IL17C: variants seen among roughly 807,000 people sequenced by gnomAD.
IL17C encodes the protein interleukin-17C.
A neutral mutation model predicts 11.0 loss-of-function variants in IL17C; 13 were observed. The ratio of observed to expected loss-of-function variants is 1.18; its 90% CI spans 0.77 to 1.88. The LOEUF (loss-of-function observed/expected upper bound fraction) is 1.88. Ranked by LOEUF, IL17C falls within the 40% of genes most tolerant of loss-of-function variation. The pLI, the probability that IL17C is intolerant of heterozygous loss-of-function variation, is 0.00. For synonymous variants in IL17C, 150 were observed against 125.8 expected, an observed-to-expected ratio of 1.19 and a Z score of -1.29; for missense variants, 357 against 278.2, an observed-to-expected ratio of 1.28 and a Z score of -2.01.
chr16:88,638,849 G>C lies in IL17C; in HGVS notation c.7-132G>C, dbSNP rs1792668573. 1.6e-5 allele frequency: 18 copies of C among 1,159,582 alleles called. No homozygotes were observed. In the South Asian group the frequency reaches 2.2e-4, roughly 14 times the overall value. The allele number at this position is 1,159,582 out of a possible 1,614,324, so 71.8% of individuals were successfully genotyped here. A position where few individuals can be genotyped will look rare whatever the true frequency, so the allele number is the denominator to read the frequency against. Reference sequence around the variant, plus strand: ...TTGGGCTGAAGGGCTAGCCTCTCTGGGCTTCAGTTTCCCCATCTATAGAGG... The same window carrying C: ...TTGGGCTGAAGGGCTAGCCTCTCTGCGCTTCAGTTTCCCCATCTATAGAGG... On this transcript the variant is annotated intron_variant, in intron 1 of 2. Coordinates refer to ENST00000244241, the MANE Select transcript of IL17C (RefSeq NM_013278.4).
At position 88,639,437 on chromosome 16, in the gene IL17C, T is replaced by A; in HGVS notation, c.335+128T>A. On this transcript the variant is annotated intron_variant, in intron 2 of 2. Transcript: ENST00000244241. The surrounding 1 kb of genome is among the most constrained non-coding windows in gnomAD (Gnocchi z 5.1). ...AGTGGGCGTGGCCACCTGAGCTCCC[T>A]CCCTCCGGCCCTCCTGACCTGGACG... The A allele has an allele frequency of 1.1e-6, 1 of 925,302 alleles. No individual in the cohort carries two copies. The allele number at this position is 925,302 out of a possible 1,614,324, so 57.3% of individuals were successfully genotyped here.
chr16:88,639,047 A>AG lies in IL17C; in HGVS notation c.78dup (p.His27AlafsTer14). 1 of 1,609,844 alleles carries AG rather than the reference A, an allele frequency of 6.2e-7. No homozygotes were observed. The highest frequency in any genetic ancestry group is 8.5e-7 in the Non-Finnish European group (1 of 1,177,756). ...CCTGGCCCACCATGACCCCTCCCTC[A>AG]GGGGGCACCCCCACAGTCACGGTAC... On this transcript the variant is annotated frameshift_variant, in exon 2 of 3. Transcript: ENST00000244241. The surrounding 1 kb of genome is among the most constrained non-coding windows in gnomAD (Gnocchi z 5.1).
Position 88,639,323 on chromosome 16 carries a change from G to T in IL17C, c.335+14G>T, listed in dbSNP as rs776990144. Reference sequence around the variant, plus strand: ...CTGGAGATACCGGTGAGGACCTGGGGATTCCGCTGTGGCGTGGGGCTGCCC... The same window carrying T: ...CTGGAGATACCGGTGAGGACCTGGGTATTCCGCTGTGGCGTGGGGCTGCCC... On this transcript the variant is annotated intron_variant, in intron 2 of 2. Transcript: ENST00000244241. This position sits in a 1 kb window ranked among gnomAD's most constrained non-coding sequence, Gnocchi z 5.1. 5.1e-6 allele frequency: 8 copies of T among 1,565,254 alleles called. No individual in the cohort carries two copies. The highest frequency in any genetic ancestry group is 1.2e-5 in the South Asian group (1 of 84,626).
intron 1 of IL17C, 25 bp downstream of exon 1, chr16:88,638,672 G>A (rs759453612): frequency 6.2e-7 from 1 of 1,613,068 alleles, no homozygotes; most frequent in Non-Finnish European, 8.5e-7. Flanking sequence ...ATGCCGCTCG[G>A]ATGGATGCTG....
chr16:88,640,139 GTATT>G lies in IL17C; in HGVS notation c.*72_*75del. The G allele has an allele frequency of 2.7e-6, 4 of 1,478,810 alleles. No homozygotes were observed. The highest frequency in any genetic ancestry group is 3.6e-6 in the Non-Finnish European group (4 of 1,110,278). The allele number at this position is 1,478,810 out of a possible 1,614,324, so 91.6% of individuals were successfully genotyped here. A position where few individuals can be genotyped will look rare whatever the true frequency, so the allele number is the denominator to read the frequency against. On this transcript the variant is annotated 3_prime_UTR_variant, in exon 3 of 3. Transcript: ENST00000244241. ...CCCAGAGGGCACCCCCTATTTATGT[GTATT>G]TATTGTTATTTATATGCCTCCCCCA...
chr16:88,639,740 G>C lies in IL17C; in HGVS notation c.336-74G>C, dbSNP rs1482555838. 1 of 1,440,704 alleles carries C rather than the reference G, an allele frequency of 6.9e-7. No homozygotes were observed. The highest frequency in any genetic ancestry group is 2.5e-5 in the Admixed American group (1 of 39,854). The allele number at this position is 1,440,704 out of a possible 1,614,324, so 89.2% of individuals were successfully genotyped here. A position where few individuals can be genotyped will look rare whatever the true frequency, so the allele number is the denominator to read the frequency against. ...AGGTCCTATCCTGAGTACACGGAGA[G>C]GGGCCCTGAGGGGAGAGGGGCCTCC... On this transcript the variant is annotated intron_variant, in intron 2 of 2. Coordinates refer to ENST00000244241, the MANE Select transcript of IL17C (RefSeq NM_013278.4). The surrounding 1 kb of genome is among the most constrained non-coding windows in gnomAD (Gnocchi z 5.1).
At position 88,639,665 on chromosome 16, in the gene IL17C, T is replaced by C. The variant is rs1175477268; in HGVS notation, c.336-149T>C. The C allele has an allele frequency of 2.1e-6, 2 of 965,292 alleles. No individual in the cohort carries two copies. Among genetic ancestry groups the C allele is most frequent in the Admixed American group, 3.1e-5 (1 of 32,054 alleles). The allele number at this position is 965,292 out of a possible 1,614,324, so 59.8% of individuals were successfully genotyped here. ...TGGGGAGACGTGGATTACCACCACA[T>C]GTGAGCCCGACTGCACCCCAAGCCC... On this transcript the variant is annotated intron_variant, in intron 2 of 2. Coordinates refer to ENST00000244241, the MANE Select transcript of IL17C (RefSeq NM_013278.4). The surrounding 1 kb of genome is among the most constrained non-coding windows in gnomAD (Gnocchi z 5.1).
In IL17C at chr16:88,639,013, G is replaced by A. The variant is rs1270765145; in HGVS notation, c.39G>A (p.Leu13=). The change falls in exon 2 of 3, where the codon CTG becomes CTA. Residue 13 remains leucine, a synonymous_variant. Coordinates refer to ENST00000244241, the MANE Select transcript of IL17C (RefSeq NM_013278.4). This position sits in a 1 kb window ranked among gnomAD's most constrained non-coding sequence, Gnocchi z 5.1. ...CCGGCCTCCTGTTTCTGACCTGGCT[G>A]CACACATGCCTGGCCCACCATGACC... ...LLPGLLFLTW[L]HTCLAHHDPS... is the part of the protein sequence containing the mutation. The A allele has an allele frequency of 6.3e-7, 1 of 1,595,390 alleles. No individual in the cohort carries two copies. The highest frequency in any genetic ancestry group is 1.1e-5 in the South Asian group (1 of 88,566).
At chr16:88,638,792 C>A in intron 1 of IL17C, 145 bp downstream of exon 1, 5 of 1,343,766 alleles carry the variant, frequency 3.7e-6, no homozygotes, top group Non-Finnish European at 5.3e-6. Flanking sequence ...GAGGCAGCTG[C>A]AGATCCTCGG....
In IL17C at chr16:88,638,572, A is replaced by G; in HGVS notation, c.-70A>G. On this transcript the variant is annotated 5_prime_UTR_variant, in exon 1 of 3. Transcript: ENST00000244241. ...AGCGGCTGCTGCCAGGTGCATGGCCAGGTGCACCTGTGGGATTGCCGCCAG... is the reference window on the plus strand; with the variant it reads ...AGCGGCTGCTGCCAGGTGCATGGCCGGGTGCACCTGTGGGATTGCCGCCAG... 1 of 1,601,592 alleles carries G rather than the reference A, an allele frequency of 6.2e-7. No individual in the cohort carries two copies. Among genetic ancestry groups the G allele is most frequent in the Non-Finnish European group, 8.5e-7 (1 of 1,171,344 alleles).
At position 88,638,805 on chromosome 16, in the gene IL17C, C is replaced by T. The variant is rs534616374; in HGVS notation, c.6+158C>T. On this transcript the variant is annotated intron_variant, in intron 1 of 2. Coordinates refer to ENST00000244241, the MANE Select transcript of IL17C (RefSeq NM_013278.4). ...GGGAGGCAGCTGCAGATCCTCGGAGCGCTGGCATGCTGGGTGTCTTGGGCT... is the reference window on the plus strand; with the variant it reads ...GGGAGGCAGCTGCAGATCCTCGGAGTGCTGGCATGCTGGGTGTCTTGGGCT... The T allele has an allele frequency of 3.1e-4, 384 of 1,257,224 alleles. 1 individual carries two copies. The highest frequency in any genetic ancestry group is 9.3e-4 in the Admixed American group (50 of 54,010). 77.9% of individuals were successfully genotyped at this position (1,257,224 alleles called of 1,614,324 possible).
chr16:88,640,443 C>G lies in IL17C; in HGVS notation c.*371C>G. 4.3e-6 allele frequency: 1 copy of G among 235,148 alleles called. No homozygotes were observed. The highest frequency in any genetic ancestry group is 8.3e-6 in the Non-Finnish European group (1 of 120,032). The allele number at this position is 235,148 out of a possible 1,614,324, so 14.6% of individuals were successfully genotyped here. On this transcript the variant is annotated 3_prime_UTR_variant, in exon 3 of 3. Coordinates refer to ENST00000244241, the MANE Select transcript of IL17C (RefSeq NM_013278.4). Reference sequence around the variant, plus strand: ...TTTCTTAAACAATTATTTAAGTGTACGTGTATTATTAAACTGATGAACACA... The same window carrying G: ...TTTCTTAAACAATTATTTAAGTGTAGGTGTATTATTAAACTGATGAACACA...
rs189765019 is a variant in IL17C at position 88,639,337 on chromosome 16, G to A, written c.335+28G>A. On this transcript the variant is annotated intron_variant, in intron 2 of 2. Transcript: ENST00000244241. The surrounding 1 kb of genome is among the most constrained non-coding windows in gnomAD (Gnocchi z 5.1). ...GAGGACCTGGGGATTCCGCTGTGGCGTGGGGCTGCCCCTCCCCTGGCGGGG... is the reference window on the plus strand; with the variant it reads ...GAGGACCTGGGGATTCCGCTGTGGCATGGGGCTGCCCCTCCCCTGGCGGGG... 971 of 1,525,286 alleles carry A rather than the reference G, an allele frequency of 6.4e-4. 11 individuals are homozygous for A. In the Admixed American group the frequency reaches 0.014, roughly 21 times the overall value. The allele number at this position is 1,525,286 out of a possible 1,614,324, so 94.5% of individuals were successfully genotyped here.
chr16:88,639,225 C>G lies in IL17C; in HGVS notation c.251C>G (p.Ala84Gly). The change falls in exon 2 of 3, where the codon GCT becomes GGT. Residue 84 changes from alanine to glycine, a missense_variant. By Grantham distance (60) the Ala-to-Gly change is moderately conservative (BLOSUM62 0). Coordinates refer to ENST00000244241, the MANE Select transcript of IL17C (RefSeq NM_013278.4). The surrounding 1 kb of genome is among the most constrained non-coding windows in gnomAD (Gnocchi z 5.1). ...AGGGGGAGGCACGAGAGGCCCTCAGCTACGACCCAGTGCCCGGTGCTGCGG... is the reference window on the plus strand; with the variant it reads ...AGGGGGAGGCACGAGAGGCCCTCAGGTACGACCCAGTGCCCGGTGCTGCGG... ...SHRGRHERPS[A>G]TTQCPVLRPE... is the part of the protein sequence containing the mutation. 6.2e-7 allele frequency: 1 copy of G among 1,612,698 alleles called. No individual in the cohort carries two copies. The highest frequency in any genetic ancestry group is 8.5e-7 in the Non-Finnish European group (1 of 1,179,818).
chr16:88,639,999 G>T lies in IL17C; in HGVS notation c.521G>T (p.Gly174Val). The T allele has an allele frequency of 1.2e-6, 2 of 1,607,514 alleles. No homozygotes were observed. Among genetic ancestry groups the T allele is most frequent in the South Asian group, 2.2e-5 (2 of 90,720 alleles). The change falls in exon 3 of 3, where the codon GGG becomes GTG. Residue 174 changes from glycine to valine, a missense_variant. By Grantham distance (109) the Gly-to-Val change is moderately radical (BLOSUM62 -3). Coordinates refer to ENST00000244241, the MANE Select transcript of IL17C (RefSeq NM_013278.4). This position sits in a 1 kb window ranked among gnomAD's most constrained non-coding sequence, Gnocchi z 5.1. ...SRDGSGLPTP[G>V]AFAFHTEFIH... ...GACGGCTCGGGGCTCCCCACACCTGGGGCCTTTGCCTTCCACACCGAGTTC... is the reference window on the plus strand; with the variant it reads ...GACGGCTCGGGGCTCCCCACACCTGTGGCCTTTGCCTTCCACACCGAGTTC...
rs200902866 is a variant in IL17C at position 88,639,359 on chromosome 16, G to A, written c.335+50G>A. On this transcript the variant is annotated intron_variant, in intron 2 of 2. Coordinates refer to ENST00000244241, the MANE Select transcript of IL17C (RefSeq NM_013278.4). The surrounding 1 kb of genome is among the most constrained non-coding windows in gnomAD (Gnocchi z 5.1). Reference sequence around the variant, plus strand: ...GGCGTGGGGCTGCCCCTCCCCTGGCGGGGCCCTGACTGCCCGGAGAGCTCT... The same window carrying A: ...GGCGTGGGGCTGCCCCTCCCCTGGCAGGGCCCTGACTGCCCGGAGAGCTCT... The A allele has an allele frequency of 8.5e-5, 126 of 1,479,944 alleles. No homozygotes were observed. The highest frequency in any genetic ancestry group is 6.9e-4 in the Middle Eastern group (3 of 4,356). The allele number at this position is 1,479,944 out of a possible 1,614,324, so 91.7% of individuals were successfully genotyped here. A position where few individuals can be genotyped will look rare whatever the true frequency, so the allele number is the denominator to read the frequency against.
chr16:88,639,438 C>G lies in IL17C; in HGVS notation c.335+129C>G. 1.1e-6 allele frequency: 1 copy of G among 890,460 alleles called. No homozygotes were observed. 55.2% of individuals were successfully genotyped at this position (890,460 alleles called of 1,614,324 possible). On this transcript the variant is annotated intron_variant, in intron 2 of 2. Coordinates refer to ENST00000244241, the MANE Select transcript of IL17C (RefSeq NM_013278.4). The surrounding 1 kb of genome is among the most constrained non-coding windows in gnomAD (Gnocchi z 5.1). The stretch of plus-strand genomic sequence containing the variant: ...GTGGGCGTGGCCACCTGAGCTCCCT[C>G]CCTCCGGCCCTCCTGACCTGGACGG...
intron 1 of IL17C, 49 bp downstream of exon 1, chr16:88,638,696 C>G: frequency 6.2e-7 from 1 of 1,612,678 alleles, no homozygotes; most frequent in East Asian, 2.2e-5. Flanking sequence ...GGATGTGCAG[C>G]CTGGCATGGA....
chr16:88,639,902 G>C lies in IL17C; in HGVS notation c.424G>C (p.Glu142Gln). ...CTGTATCGATGCACGGACGGGCCGC[G>C]AGACAGCTGCGCTCAACTCCGTGCG... ...RGCIDARTGR[E>Q]TAALNSVRLL... Residue 142 changes from glutamate (E) to glutamine (Q), a missense_variant, in exon 3 of 3, where the codon GAG (glutamate) becomes CAG (glutamine). Transcript: ENST00000244241. This position sits in a 1 kb window ranked among gnomAD's most constrained non-coding sequence, Gnocchi z 5.1. 1.9e-6 allele frequency: 3 copies of C among 1,609,846 alleles called. No homozygotes were observed. The highest frequency in any genetic ancestry group is 2.5e-6 in the Non-Finnish European group (3 of 1,179,310).
Sources: allele counts gnomAD v4.1 joint callset, GRCh38; gene constraint gnomAD v4.1.1; non-coding constraint Gnocchi (gnomAD v3.1); transcripts MANE v1.5; gene names NCBI Gene and HGNC (gene_info 2026-07-23, HGNC 2026-07-21).